Variants in AFF1 observed in about 807,000 individuals in gnomAD.
The protein encoded by AFF1 is AF4/FMR2 family member 1.
A neutral mutation model predicts 121.7 loss-of-function variants in AFF1; 48 were observed. That is an observed-to-expected ratio of 0.39 (90% confidence interval 0.31 to 0.50). AFF1 has a LOEUF of 0.50. AFF1 is among the 20% of genes least tolerant of loss of function. The pLI, the probability that AFF1 is intolerant of heterozygous loss-of-function variation, is 0.76. For synonymous variants in AFF1, 613 were observed against 563.0 expected, an observed-to-expected ratio of 1.09 and a Z score of -1.26; for missense variants, 1,523 against 1,511.7, an observed-to-expected ratio of 1.01 and a Z score of -0.12.
chr4:87,081,152 A>ATTTTTTTTTTTTTTTTTTT (rs549510832), intron 4 of AFF1, among the ~76,000 whole-genome samples: 2 of 89,716 alleles, frequency 2.2e-5, no homozygotes, highest in African/African-American at 4.4e-5. Flanking sequence ...AATGAAATGA[A>ATTTTTTTTTTTTTTTTTTT]TTTTTTTTTT....
At chr4:87,027,306 T>C (rs905191078) in intron 2 of AFF1, among the ~76,000 whole-genome samples, 1 of 152,258 alleles carries the variant, frequency 6.6e-6, no homozygotes, top group Non-Finnish European at 1.5e-5. Context: ...GTAAGTGCTC[T>C]AGTTTTGCTT....
chr4:86,975,114 A>G (rs1019135713), intron 2 of AFF1, among the ~76,000 whole-genome samples: 1 of 152,040 alleles, frequency 6.6e-6, no homozygotes, highest in Admixed American at 6.5e-5. Flanking sequence ...TGCACCCTAT[A>G]ATACAACCTC....
intron 11 of AFF1, among the ~76,000 whole-genome samples, 188 bp from the exon 12 acceptor site, chr4:87,114,179 G>A (rs534533213): frequency 6.6e-6 from 1 of 152,298 alleles, no homozygotes; most frequent in Non-Finnish European, 1.5e-5. Context: ...CCACAAAAAA[G>A]TGAAGGTTGC....
intron 4 of AFF1, among the ~76,000 whole-genome samples, chr4:87,066,873 T>A (rs1377180830): frequency 6.6e-6 from 1 of 152,182 alleles, no homozygotes; most frequent in Non-Finnish European, 1.5e-5. Context: ...CATTTACAAA[T>A]TAAGATGTTT....
rs190525567 is a variant in AFF1, at chr4:86,980,256, T to A, written c.38+31685T>A. On this transcript the variant is annotated intron_variant, in intron 2 of 20. Coordinates refer to ENST00000395146, the MANE Select transcript of AFF1 (RefSeq NM_001166693.3). ...ATACACTGGCAAAATATGAAAAAAATGTCCAGAAGTCTATTCATTACAAAC... is the reference window on the plus strand; with the variant it reads ...ATACACTGGCAAAATATGAAAAAAAAGTCCAGAAGTCTATTCATTACAAAC... 2.8e-4 allele frequency among the ~76,000 whole-genome samples: 43 copies of A among 152,166 alleles called. No individual in the cohort carries two copies. In the East Asian group the frequency reaches 7.3e-3, roughly 26 times the overall value.
At chr4:86,948,594 A>G in intron 2 of AFF1, 23 bp downstream of exon 2, 2 of 1,528,742 alleles carry the variant, frequency 1.3e-6, no homozygotes, top group Non-Finnish European at 1.8e-6. Context: ...TCTATGATTC[A>G]AAGACATGCT....
intron 2 of AFF1, among the ~76,000 whole-genome samples, chr4:86,965,370 G>T (rs1316250162): frequency 6.6e-6 from 1 of 152,212 alleles, no homozygotes; most frequent in African/African-American, 2.4e-5. Flanking sequence ...TCTCACAGCA[G>T]TGTTTTTGTC....
chr4:87,118,860 AAGT>A (rs1727379023), intron 12 of AFF1, among the ~76,000 whole-genome samples: 1 of 152,232 alleles, frequency 6.6e-6, no homozygotes, highest in Non-Finnish European at 1.5e-5. Context: ...TTTTAAATGA[AAGT>A]ATGCTCCACA....
rs1729650221 is a variant in AFF1, at chr4:87,140,731, G to A, written c.*5030G>A. The A allele has an allele frequency of 5.2e-6, 1 of 190,642 alleles. No individual in the cohort carries two copies. The highest frequency in any genetic ancestry group is 1.9e-4 in the South Asian group (1 of 5,160). 11.8% of individuals were successfully genotyped at this position (190,642 alleles called of 1,614,324 possible). A position where few individuals can be genotyped will look rare whatever the true frequency, so the allele number is the denominator to read the frequency against. ...GGAAGATGTGCAACACAAATTAAGG[G>A]GAACTCCATGTATTTTACCTACTTC... On this transcript the variant is annotated 3_prime_UTR_variant, in exon 21 of 21. Coordinates refer to ENST00000395146, the MANE Select transcript of AFF1 (RefSeq NM_001166693.3).
In AFF1 at chr4:87,114,727, A is replaced by C. The variant is rs774462481; in HGVS notation, c.1894A>C (p.Arg632=). ...TTCACGGACCAGCCTGCAGGGGGAA[A>C]GGGAGCCAGGGCTTCTTCCCTATGG... The part of the protein sequence containing the change: ...AGSRTSLQGE[R]EPGLLPYGSR... The change falls in exon 12 of 21, where the codon AGG becomes CGG. Residue 632 remains arginine, a synonymous_variant. Transcript: ENST00000395146. The C allele has an allele frequency of 6.2e-7, 1 of 1,614,010 alleles. No homozygotes were observed. The highest frequency in any genetic ancestry group is 1.1e-5 in the South Asian group (1 of 91,080).
intron 4 of AFF1, among the ~76,000 whole-genome samples, chr4:87,052,895 G>A (rs1450817727): frequency 6.6e-6 from 1 of 152,080 alleles, no homozygotes; most frequent in African/African-American, 2.4e-5. Context: ...AAGGCTGGTA[G>A]ACTTTTTATT....
intron 19 of AFF1, among the ~76,000 whole-genome samples, chr4:87,133,946 A>G (rs1249789085): frequency 1.3e-5 from 2 of 152,206 alleles, no homozygotes; most frequent in African/African-American, 4.8e-5. Context: ...TCTAGCACCT[A>G]TTGTGCTAAG....
chr4:86,998,109 A>AC (rs1725369589), intron 2 of AFF1, among the ~76,000 whole-genome samples: 1 of 71,218 alleles, frequency 1.4e-5, no homozygotes, highest in Non-Finnish European at 3.5e-5. Context: ...AAAAAAAAAA[A>AC]AAAAAAAAAA....
At chr4:87,059,548 A>T (rs1404503701) in intron 4 of AFF1, among the ~76,000 whole-genome samples, 1 of 152,216 alleles carries the variant, frequency 6.6e-6, no homozygotes, top group South Asian at 2.1e-4. Context: ...TCAGTATGCC[A>T]CATTATTTCA....
At chr4:87,058,060 A>G (rs4693802) in intron 4 of AFF1, among the ~76,000 whole-genome samples, 45,883 of 152,000 alleles carry the variant, frequency 0.3, 7,643 homozygotes, top group African/African-American at 0.44. Context: ...TTTAATTTCC[A>G]AAGCACTTAT....
Position 87,089,988 on chromosome 4 carries a change from T to C in AFF1, c.1109T>C (p.Met370Thr), listed in dbSNP as rs1218260982. The change falls in exon 6 of 21, where the codon ATG becomes ACG. Residue 370 changes from methionine (M) to threonine (T), a missense_variant. By Grantham distance (81) the Met-to-Thr change is moderately conservative. Transcript: ENST00000395146. ...VHCVEEILKE[M>T]THSWPPPLTA... ...CCTTTCCAAATATCTTTCCAGGAAA[T>C]GACCCATTCATGGCCGCCTCCTTTG... 2 of 1,613,100 alleles carry C rather than the reference T, an allele frequency of 1.2e-6. No individual in the cohort carries two copies. Among genetic ancestry groups the C allele is most frequent in the Non-Finnish European group, 1.7e-6 (2 of 1,179,414 alleles).
intron 4 of AFF1, among the ~76,000 whole-genome samples, chr4:87,057,754 G>C (rs1205147501): frequency 1.3e-5 from 2 of 152,116 alleles, no homozygotes; most frequent in African/African-American, 2.4e-5. Context: ...AGTGAATAAA[G>C]CCCCTAAGAC....
At chr4:87,038,875 T>A (rs1484763858) in intron 2 of AFF1, among the ~76,000 whole-genome samples, 3 of 152,184 alleles carry the variant, frequency 2.0e-5, no homozygotes, top group African/African-American at 7.2e-5. Flanking sequence ...AGTTAAAAAT[T>A]TAAACTCGAA....
intron 1 of AFF1, among the ~76,000 whole-genome samples, chr4:86,946,822 T>C (rs570985613): frequency 6.6e-6 from 1 of 152,184 alleles, no homozygotes; most frequent in East Asian, 1.9e-4. Context: ...CTGTCTCCTT[T>C]TCTCCTGTTA....
Sources: allele counts gnomAD v4.1 joint callset (sites outside exome capture counted in the v4.1 genomes callset), GRCh38; gene constraint gnomAD v4.1.1; transcripts MANE v1.5; gene names NCBI Gene and HGNC (gene_info 2026-07-23, HGNC 2026-07-21).